The following AP3S2 variants were observed in gnomAD, a reference collection of about 807,000 sequenced individuals.
AP3S2 encodes AP-3 complex subunit sigma-2.
Under a neutral mutation model 23.4 loss-of-function variants are expected in AP3S2, and 22 were observed. The ratio of observed to expected loss-of-function variants is 0.94; its 90% CI spans 0.67 to 1.34. AP3S2 has a LOEUF of 1.34. Ranked by LOEUF, AP3S2 falls within the 40% of genes most tolerant of loss-of-function variation. The pLI is 0.00. For synonymous variants in AP3S2, 86 were observed against 87.1 expected (o/e 0.99, Z 0.07); for missense variants, 241 against 236.9 (o/e 1.02, Z -0.11).
intron 4 of AP3S2, chr15:89,845,450 C>T (rs1338045701): frequency 6.6e-6 from 1 of 152,200 alleles, no homozygotes; most frequent in Admixed American, 6.5e-5. Context: ...GCTAACATTT[C>T]TCTGATTGGA....
At position 89,835,476 on chromosome 15, in the gene AP3S2, C is replaced by T. The variant is rs1895165893; in HGVS notation, c.*39G>A. 1 of 1,609,032 alleles carries T rather than the reference C, an allele frequency of 6.2e-7. No individual in the cohort carries two copies. Among genetic ancestry groups the T allele is most frequent in the Middle Eastern group, 1.7e-4 (1 of 6,046 alleles). On this transcript the variant is annotated 3_prime_UTR_variant, in exon 6 of 6. Transcript: ENST00000336418. ...GACGTGCTTGCCTTGCTTGTCTTTG[C>T]TTGTCTTAAGGACTCTATTTCAGGC... is the stretch of plus-strand genomic sequence containing the variant.
chr15:89,846,736 C>G (rs1412196464), intron 4 of AP3S2, among the ~76,000 whole-genome samples: 2 of 152,180 alleles, frequency 1.3e-5, no homozygotes, highest in African/African-American at 2.4e-5. Flanking sequence ...CTGTGTTAGC[C>G]AGGATGGTCT....
intron 4 of AP3S2, among the ~76,000 whole-genome samples, chr15:89,866,419 A>G (rs1229642536): frequency 6.6e-6 from 1 of 151,806 alleles, no homozygotes; most frequent in East Asian, 1.9e-4. Flanking sequence ...TGTCTTCTCC[A>G]GGTGTGTATT....
chr15:89,893,750 G>C (rs1376880818), intron 1 of AP3S2, 131 bp downstream of exon 1: 7 of 857,176 alleles, frequency 8.2e-6, no homozygotes, highest in Non-Finnish European at 1.1e-5. Flanking sequence ...GCTTAAGTAG[G>C]GCGAGGGTCA....
rs571258513 is a variant in AP3S2, at chr15:89,887,001, G to A, written c.273+1520C>T. ...AGTAGAGACATGGTTTTACCATGCT[G>A]ACCACGTTGGTCTCAAATTCCTGGC... On this transcript the variant is annotated intron_variant, in intron 3 of 5. Transcript: ENST00000336418. 1.8e-4 allele frequency among the ~76,000 whole-genome samples: 28 copies of A among 152,210 alleles called. No homozygotes were observed. The South Asian group carries it at 5.8e-3, about 32-fold the overall frequency.
intron 4 of AP3S2, among the ~76,000 whole-genome samples, chr15:89,859,327 TTTTCCTTCC>T (rs1411332450): frequency 1.3e-5 from 2 of 148,994 alleles, no homozygotes; most frequent in Admixed American, 6.7e-5. Context: ...CTTCCTTCCT[TTTTCCTTCC>T]TTTCCTTCCT....
chr15:89,888,842 G>A (rs1017705670), intron 2 of AP3S2, among the ~76,000 whole-genome samples: 1 of 152,144 alleles, frequency 6.6e-6, no homozygotes, highest in Non-Finnish European at 1.5e-5. Context: ...TCCTCCCGGG[G>A]ATCAATCATC....
At chr15:89,845,569 G>A (rs1279745598) in intron 4 of AP3S2, 3 of 152,178 alleles carry the variant, frequency 2.0e-5, no homozygotes, top group African/African-American at 4.8e-5. Context: ...ATAGAGTCAG[G>A]GCACAAAGAA....
At chr15:89,889,745 T>C (rs1896776150) in intron 1 of AP3S2, among the ~76,000 whole-genome samples, 1 of 150,922 alleles carries the variant, frequency 6.6e-6, no homozygotes, top group Non-Finnish European at 1.5e-5. Flanking sequence ...ATGCCTGTAA[T>C]CCCAGCTACT....
intron 4 of AP3S2, among the ~76,000 whole-genome samples, chr15:89,838,707 G>A (rs879760685): frequency 2.0e-5 from 3 of 152,182 alleles, no homozygotes; most frequent in Admixed American, 6.5e-5. Flanking sequence ...GATAGTCCTG[G>A]GGAAGTCAGA....
Position 89,834,390 on chromosome 15 carries a change from A to C in AP3S2, c.*1125T>G, listed in dbSNP as rs1895142350. On this transcript the variant is annotated 3_prime_UTR_variant, in exon 6 of 6. Transcript: ENST00000336418. Reference sequence around the variant, plus strand: ...CATGTTGTCAGCTTTAACCTTCTACAGACACAGGCCCTCTCCTCTGTGAGG... The same window carrying C: ...CATGTTGTCAGCTTTAACCTTCTACCGACACAGGCCCTCTCCTCTGTGAGG... 6.6e-6 allele frequency: 1 copy of C among 152,268 alleles called. No homozygotes were observed. The allele number at this position is 152,268 out of a possible 1,614,324, so 9.4% of individuals were successfully genotyped here.
At position 89,889,143 on chromosome 15, in the gene AP3S2, A is replaced by G. The variant is rs780555716; in HGVS notation, c.70-3T>C. The G allele has an allele frequency of 3.7e-6, 6 of 1,614,088 alleles. No individual in the cohort carries two copies. The highest frequency in any genetic ancestry group is 2.2e-5 in the East Asian group (1 of 44,884). ...ATCTGCTGTTGAATTTCTTCTGGCT[A>G]TGAAACAAAAAGATAAGTGAATCAG... is the stretch of plus-strand genomic sequence containing the variant. On this transcript the variant is annotated splice_region_variant and splice_polypyrimidine_tract_variant and intron_variant, in intron 1 of 5. Transcript: ENST00000336418.
chr15:89,865,711 T>C (rs1019137135), intron 4 of AP3S2: 15 of 152,184 alleles, frequency 9.9e-5, no homozygotes, highest in African/African-American at 3.6e-4. Flanking sequence ...GAGAAATAGA[T>C]GTTTCAAGAA....
chr15:89,860,518 G>A (rs576514601), intron 4 of AP3S2, among the ~76,000 whole-genome samples: 1 of 152,262 alleles, frequency 6.6e-6, no homozygotes, highest in South Asian at 2.1e-4. Flanking sequence ...ATTTCATCAT[G>A]CTGCTCAGAA....
chr15:89,859,512 C>T (rs150306464), intron 4 of AP3S2, among the ~76,000 whole-genome samples: 1 of 149,180 alleles, frequency 6.7e-6, no homozygotes, highest in Non-Finnish European at 1.5e-5. Context: ...TCCTGCCTCA[C>T]GTCTCCCGTG....
rs1176111051 is a variant in AP3S2, at chr15:89,832,958, G to C, written c.*2557C>G. ...GGGCTTCAGTTTTATGTCATTGTAAGAGGCCATGTGAGGGATGTTTGGATG... is the reference window on the plus strand; with the variant it reads ...GGGCTTCAGTTTTATGTCATTGTAACAGGCCATGTGAGGGATGTTTGGATG... On this transcript the variant is annotated 3_prime_UTR_variant, in exon 6 of 6. Transcript: ENST00000336418. 6 of 152,212 alleles carry C rather than the reference G, an allele frequency of 3.9e-5. No individual in the cohort carries two copies. Among genetic ancestry groups the C allele is most frequent in the Non-Finnish European group, 8.8e-5 (6 of 68,040 alleles). The allele number at this position is 152,212 out of a possible 1,614,324, so 9.4% of individuals were successfully genotyped here. A position where few individuals can be genotyped will look rare whatever the true frequency, so the allele number is the denominator to read the frequency against.
rs959234416 is a variant in AP3S2, at chr15:89,837,870, A to T, written c.346-148T>A. 3.6e-6 allele frequency: 3 copies of T among 835,890 alleles called. No homozygotes were observed. In the African/African-American group the frequency reaches 5.1e-5, roughly 14 times the overall value. The allele number at this position is 835,890 out of a possible 1,614,324, so 51.8% of individuals were successfully genotyped here. On this transcript the variant is annotated intron_variant, in intron 4 of 5. Coordinates refer to ENST00000336418, the MANE Select transcript of AP3S2 (RefSeq NM_005829.5). ...GACACTCAAACCCCCCTGCCCAGTG[A>T]CACAACGAGGGGTCTCTCCCAGGTC...
chr15:89,858,734 G>T (rs1447243371), intron 4 of AP3S2, among the ~76,000 whole-genome samples: 2 of 152,100 alleles, frequency 1.3e-5, no homozygotes, highest in African/African-American at 4.8e-5. Flanking sequence ...AATACCATGG[G>T]TAATAAGCTT....
intron 4 of AP3S2, among the ~76,000 whole-genome samples, chr15:89,842,501 A>T (rs989507492): frequency 1.3e-5 from 2 of 152,262 alleles, no homozygotes; most frequent in African/African-American, 4.8e-5. Context: ...CAAATCACTT[A>T]AAAGAGAAAC....
Sources: allele counts gnomAD v4.1 joint callset (sites outside exome capture counted in the v4.1 genomes callset), GRCh38; gene constraint gnomAD v4.1.1; transcripts MANE v1.5; gene names NCBI Gene and HGNC (gene_info 2026-07-23, HGNC 2026-07-21).